The following LRBA variants were observed in gnomAD, a reference collection of about 807,000 sequenced individuals.
LRBA encodes LPS responsive beige-like anchor protein.
In LRBA, 176 loss-of-function variants were observed where a neutral mutation model predicts 330.0. The observed-to-expected ratio is 0.53, with a 90% CI of 0.47 to 0.60. LRBA has a LOEUF of 0.60. Ranked by LOEUF, LRBA falls within the 20% of genes least tolerant of loss-of-function variation. LRBA has a pLI of 0.00. For synonymous variants in LRBA, 1,230 were observed against 1,193.0 expected (o/e 1.03, Z -0.64); for missense variants, 3,259 against 3,444.8 (o/e 0.95, Z 1.35).
intron 37 of LRBA, among the ~76,000 whole-genome samples, chr4:150,639,797 A>G (rs1258451691): frequency 2.1e-4 from 1 of 4,728 alleles, no homozygotes; most frequent in Non-Finnish European, 4.6e-4. Flanking sequence ...GTGTGTATAT[A>G]TATATATATG....
chr4:150,924,375 T>A (rs1187243315), intron 4 of LRBA, among the ~76,000 whole-genome samples: 2 of 151,972 alleles, frequency 1.3e-5, no homozygotes, highest in African/African-American at 4.8e-5. Flanking sequence ...TAGCCAAGAA[T>A]GGTGGCAAGT....
rs559604631 is a variant in LRBA, at chr4:150,509,241, T to TA, written c.6331-18207dup. 3.7e-3 allele frequency among the ~76,000 whole-genome samples: 557 copies of TA among 151,876 alleles called. 4 individuals are homozygous for TA. The highest frequency in any genetic ancestry group is 6.8e-3 in the Middle Eastern group (2 of 292). On this transcript the variant is annotated intron_variant, in intron 40 of 56. Transcript: ENST00000651943. ...TTATTTTTCAATTAATAAGAAAATTTAAAAAAAGCTATCTGGAAAAGGCCC... is the reference window on the plus strand; with the variant it reads ...TTATTTTTCAATTAATAAGAAAATTTAAAAAAAAGCTATCTGGAAAAGGCCC...
chr4:150,333,394 C>T (rs560842744), intron 48 of LRBA, among the ~76,000 whole-genome samples: 1 of 151,754 alleles, frequency 6.6e-6, no homozygotes, highest in Non-Finnish European at 1.5e-5. Context: ...GAAATAGAGA[C>T]AAAATAATTT....
chr4:150,603,733 C>G (rs1774349579), intron 37 of LRBA, among the ~76,000 whole-genome samples: 1 of 151,668 alleles, frequency 6.6e-6, no homozygotes, highest in Non-Finnish European at 1.5e-5. Flanking sequence ...CTCTTGGCCT[C>G]AAATGATCCT....
intron 37 of LRBA, among the ~76,000 whole-genome samples, chr4:150,677,426 T>C (rs747532277): frequency 1.3e-5 from 2 of 152,198 alleles, no homozygotes; most frequent in Non-Finnish European, 2.9e-5. Context: ...GTGCAACAAC[T>C]TGAATTTATT....
intron 9 of LRBA, among the ~76,000 whole-genome samples, chr4:150,909,918 G>C (rs768012679): frequency 6.6e-5 from 10 of 152,064 alleles, no homozygotes; most frequent in Non-Finnish European, 1.3e-4. Context: ...TAGTGATATT[G>C]AGCATCTTTT....
In LRBA at chr4:150,583,186, A is replaced by G; in HGVS notation, c.6330+4862T>C. On this transcript the variant is annotated intron_variant, in intron 40 of 56. Coordinates refer to ENST00000651943, the MANE Select transcript of LRBA (RefSeq NM_001364905.1). This position sits in a 1 kb window ranked among gnomAD's most constrained non-coding sequence, Gnocchi z 9.8. ...AGTGGAGGTGCAGGAGCCTCGCTTC[A>G]TCAGCTCCTTGAGCGAGATCGATGC... 6.2e-7 allele frequency: 1 copy of G among 1,614,228 alleles called. No homozygotes were observed. Among genetic ancestry groups the G allele is most frequent in the Non-Finnish European group, 8.5e-7 (1 of 1,180,036 alleles).
intron 48 of LRBA, among the ~76,000 whole-genome samples, chr4:150,343,305 C>A (rs550117807): frequency 6.6e-6 from 1 of 152,146 alleles, no homozygotes; most frequent in African/African-American, 2.4e-5. Flanking sequence ...AGTTCTCCAC[C>A]CTCACAGCAC....
At chr4:150,856,814 A>C (rs1384502466) in intron 22 of LRBA, among the ~76,000 whole-genome samples, 1 of 152,196 alleles carries the variant, frequency 6.6e-6, no homozygotes, top group African/African-American at 2.4e-5. Context: ...TTTGATAGCT[A>C]ATCTATAGCT....
At chr4:150,558,814 T>G (rs995712280) in intron 40 of LRBA, among the ~76,000 whole-genome samples, 21 of 152,236 alleles carry the variant, frequency 1.4e-4, no homozygotes, top group Non-Finnish European at 1.9e-4. Context: ...CTAAATATGA[T>G]TTAAGACTCT....
At chr4:150,712,454 G>C (rs1786315470) in intron 36 of LRBA, among the ~76,000 whole-genome samples, 1 of 152,080 alleles carries the variant, frequency 6.6e-6, no homozygotes, top group South Asian at 2.1e-4. Context: ...GCTCACAATT[G>C]TTTGAACTAA....
At chr4:150,558,768 T>C (rs1767666005) in intron 40 of LRBA, among the ~76,000 whole-genome samples, 1 of 152,242 alleles carries the variant, frequency 6.6e-6, no homozygotes, top group African/African-American at 2.4e-5. Context: ...CACCTATTCT[T>C]TATTTTTCTA....
intron 56 of LRBA, among the ~76,000 whole-genome samples, chr4:150,275,335 C>A (rs1489872977): frequency 1.0e-4 from 3 of 28,722 alleles, no homozygotes; most frequent in African/African-American, 2.0e-4. Context: ...ACTGAATGGG[C>A]AAAAACTGAA....
At chr4:150,354,204 T>C (rs1737528211) in intron 47 of LRBA, among the ~76,000 whole-genome samples, 1 of 152,144 alleles carries the variant, frequency 6.6e-6, no homozygotes, top group Non-Finnish European at 1.5e-5. Context: ...TCATAAAACC[T>C]ATATTAAAAT....
At chr4:150,907,165 GA>G (rs575084232) in intron 11 of LRBA, among the ~76,000 whole-genome samples, 188 of 140,674 alleles carry the variant, frequency 1.3e-3, no homozygotes, top group African/African-American at 4.9e-3. Context: ...GAGAAAGCAT[GA>G]CCAGCAGCCA....
chr4:150,351,860 A>T (rs1407941593), intron 47 of LRBA, among the ~76,000 whole-genome samples: 1 of 152,218 alleles, frequency 6.6e-6, no homozygotes. Flanking sequence ...TTTAATTTAT[A>T]AATTAGGCAC....
At chr4:150,535,670 CAA>C (rs1270799672) in intron 40 of LRBA, among the ~76,000 whole-genome samples, 2 of 152,146 alleles carry the variant, frequency 1.3e-5, no homozygotes, top group Non-Finnish European at 2.9e-5. Flanking sequence ...TACCTTAAAA[CAA>C]AGACTTTTTA....
intron 47 of LRBA, among the ~76,000 whole-genome samples, chr4:150,352,405 T>C (rs1197534911): frequency 6.6e-6 from 1 of 152,214 alleles, no homozygotes; most frequent in South Asian, 2.1e-4. Flanking sequence ...ATCACAAATA[T>C]AAAATTGAAA....
intron 33 of LRBA, among the ~76,000 whole-genome samples, chr4:150,804,727 A>C (rs1230015588): frequency 6.6e-6 from 1 of 152,190 alleles, no homozygotes; most frequent in Non-Finnish European, 1.5e-5. Flanking sequence ...AAAAAGCCAG[A>C]TTTAGCAACC....
Sources: gnomAD v4.1 joint callset for allele counts (sites outside exome capture counted in the v4.1 genomes callset) on GRCh38, gnomAD v4.1.1 for gene constraint, Gnocchi (gnomAD v3.1) non-coding constraint, MANE v1.5 for transcripts, NCBI Gene and HGNC (gene_info 2026-07-23, HGNC 2026-07-21) for gene names.